Variants in DIAPH3 observed in about 807,000 individuals in gnomAD.
The protein encoded by DIAPH3 is protein diaphanous homolog 3.
In DIAPH3, 117 loss-of-function variants were observed where a neutral mutation model predicts 144.3. The observed-to-expected ratio is 0.81, with a 90% CI of 0.70 to 0.95. The LOEUF is 0.95. Ranked by LOEUF, DIAPH3 falls within the 40% of genes least tolerant of loss-of-function variation. The pLI, the probability that DIAPH3 is intolerant of heterozygous loss-of-function variation, is 0.00. For missense variants in DIAPH3, 1,421 were observed against 1,412.7 expected, an observed-to-expected ratio of 1.01 and a Z score of -0.09; for synonymous variants, 519 against 488.9, an observed-to-expected ratio of 1.06 and a Z score of -0.81.
intron 2 of DIAPH3, among the ~76,000 whole-genome samples, chr13:60,123,390 C>G (rs1192007505): frequency 6.6e-6 from 1 of 152,186 alleles, no homozygotes; most frequent in African/African-American, 2.4e-5. Context: ...AATGAATATA[C>G]AAGTCTGTAC....
At chr13:59,686,080 A>G (rs1229975784) in intron 27 of DIAPH3, among the ~76,000 whole-genome samples, 1 of 152,116 alleles carries the variant, frequency 6.6e-6, no homozygotes, top group Non-Finnish European at 1.5e-5. Flanking sequence ...GTGATCTATA[A>G]GATCCTTTTT....
intron 25 of DIAPH3, among the ~76,000 whole-genome samples, chr13:59,793,695 A>T (rs1399670136): frequency 6.6e-6 from 1 of 152,048 alleles, no homozygotes; most frequent in Non-Finnish European, 1.5e-5. Flanking sequence ...TGTTTTATTC[A>T]TTCCATGGCT....
chr13:60,099,907 A>AGAAGGAAGGAAGGAAGGAAGGAAGGAAG (rs748938775), intron 3 of DIAPH3, among the ~76,000 whole-genome samples: 6 of 104,848 alleles, frequency 5.7e-5, no homozygotes, highest in African/African-American at 2.1e-4. Flanking sequence ...AGAAAGTAAG[A>AGAAGGAAGGAAGGAAGGAAGGAAGGAAG]GAAGGAAGGA....
intron 9 of DIAPH3, among the ~76,000 whole-genome samples, chr13:60,008,080 A>G (rs2052995468): frequency 6.6e-6 from 1 of 152,162 alleles, no homozygotes; most frequent in South Asian, 2.1e-4. Context: ...ACACAGTACA[A>G]ATAGGAATTC....
rs189709065 is a variant in DIAPH3, at chr13:60,048,096, A to G, written c.496-5276T>C. The stretch of plus-strand genomic sequence containing the variant: ...ATGCAGTGGATTGCATCATAAGAGA[A>G]GAACACAAAGCTTGGGGGATTCACC... On this transcript the variant is annotated intron_variant, in intron 4 of 27. Coordinates refer to ENST00000400324, the MANE Select transcript of DIAPH3 (RefSeq NM_001042517.2). Among the ~76,000 whole-genome samples, 244 of 152,382 alleles carry G rather than the reference A, an allele frequency of 1.6e-3. 1 individual carries two copies. The highest frequency in any genetic ancestry group is 5.5e-3 in the African/African-American group (230 of 41,598).
intron 2 of DIAPH3, among the ~76,000 whole-genome samples, chr13:60,122,735 T>C (rs1169689157): frequency 2.0e-5 from 3 of 152,036 alleles, no homozygotes; most frequent in African/African-American, 7.2e-5. Flanking sequence ...CTAACACTGA[T>C]AATTTAGAGT....
intron 20 of DIAPH3, among the ~76,000 whole-genome samples, chr13:59,896,936 T>C (rs978302162): frequency 2.6e-5 from 4 of 152,232 alleles, no homozygotes; most frequent in South Asian, 2.1e-4. Flanking sequence ...AGTTAGTATC[T>C]ACCTTTATGT....
chr13:59,802,571 T>TC (rs922643807), intron 25 of DIAPH3, among the ~76,000 whole-genome samples: 3 of 147,458 alleles, frequency 2.0e-5, no homozygotes, highest in Non-Finnish European at 3.0e-5. Flanking sequence ...GAAAAGTTTT[T>TC]TTTTTTTACT....
At chr13:59,877,695 C>T (rs139450302) in intron 21 of DIAPH3, among the ~76,000 whole-genome samples, 67 of 152,054 alleles carry the variant, frequency 4.4e-4, no homozygotes, top group African/African-American at 1.6e-3. Flanking sequence ...AGTGTGACTC[C>T]ATAAAATCTC....
rs553756071 is a variant in DIAPH3 at position 59,781,600 on chromosome 13, G to A, written c.3164-6777C>T. 3.3e-5 allele frequency among the ~76,000 whole-genome samples: 5 copies of A among 152,244 alleles called. 1 individual carries two copies. The highest frequency in any genetic ancestry group is 1.2e-4 in the African/African-American group (5 of 41,544). On this transcript the variant is annotated intron_variant, in intron 25 of 27. Transcript: ENST00000400324. ...GGGACAGAGTAGTGGCCACAGAACC[G>A]GTAGCAAATCTATTGTGTCGGACCA...
chr13:60,144,409 T>C (rs551820336), intron 1 of DIAPH3, among the ~76,000 whole-genome samples: 4 of 152,328 alleles, frequency 2.6e-5, no homozygotes, highest in Non-Finnish European at 4.4e-5. Context: ...GATCCCCACA[T>C]GTAAACAAGG....
chr13:59,922,056 C>A (rs923857188), intron 18 of DIAPH3, among the ~76,000 whole-genome samples: 1 of 151,938 alleles, frequency 6.6e-6, no homozygotes, highest in Non-Finnish European at 1.5e-5. Context: ...TGTGTCACAA[C>A]ACAATAAATA....
chr13:59,859,391 T>C (rs1392373362), intron 22 of DIAPH3, among the ~76,000 whole-genome samples: 4 of 152,026 alleles, frequency 2.6e-5, no homozygotes, highest in Admixed American at 1.3e-4. Context: ...CAAGTTACAG[T>C]TCTGCAAGTC....
At chr13:59,824,627 T>C (rs1369997989) in intron 24 of DIAPH3, among the ~76,000 whole-genome samples, 1 of 152,148 alleles carries the variant, frequency 6.6e-6, no homozygotes, top group Non-Finnish European at 1.5e-5. Context: ...ATATAGGAAA[T>C]TAAGTTACGG....
At chr13:60,053,653 C>T (rs2056445119) in intron 4 of DIAPH3, among the ~76,000 whole-genome samples, 1 of 152,082 alleles carries the variant, frequency 6.6e-6, no homozygotes, top group Non-Finnish European at 1.5e-5. Flanking sequence ...TAAATGACTA[C>T]ATTTCATCTC....
intron 9 of DIAPH3, among the ~76,000 whole-genome samples, chr13:59,998,272 C>T (rs1392376210): frequency 6.6e-6 from 1 of 152,100 alleles, no homozygotes; most frequent in Non-Finnish European, 1.5e-5. Flanking sequence ...TATTTGAAAA[C>T]TCCCCCAAGA....
intron 22 of DIAPH3, among the ~76,000 whole-genome samples, chr13:59,859,020 G>C (rs2043417376): frequency 6.6e-6 from 1 of 151,974 alleles, no homozygotes; most frequent in Non-Finnish European, 1.5e-5. Flanking sequence ...TTCAAATCTG[G>C]AAACTTTTAA....
chr13:59,704,830 A>G (rs192526911), intron 27 of DIAPH3, among the ~76,000 whole-genome samples: 2 of 152,304 alleles, frequency 1.3e-5, no homozygotes, highest in Non-Finnish European at 2.9e-5. Flanking sequence ...GCCTGACAAC[A>G]TATTTCATCG....
chr13:59,882,164 C>T (rs1485627277), intron 20 of DIAPH3, among the ~76,000 whole-genome samples: 1 of 152,184 alleles, frequency 6.6e-6, no homozygotes, highest in Non-Finnish European at 1.5e-5. Context: ...TCTCAGCTCA[C>T]TGCAACCTCT....
Sources: allele counts gnomAD v4.1 joint callset (sites outside exome capture counted in the v4.1 genomes callset), GRCh38; gene constraint gnomAD v4.1.1; transcripts MANE v1.5; gene names NCBI Gene and HGNC (gene_info 2026-07-23, HGNC 2026-07-21).